Variants in CCNH observed in about 807,000 individuals in gnomAD.
CCNH encodes cyclin-H.
Under a neutral mutation model 41.9 loss-of-function variants are expected in CCNH, and 31 were observed. The ratio of observed to expected loss-of-function variants is 0.74; its 90% confidence interval spans 0.56 to 1.00. The LOEUF (loss-of-function observed/expected upper bound fraction) is 1.00, where lower values mean the gene tolerates loss of function less well. CCNH is among the 50% of genes least tolerant of loss of function. The probability of loss-of-function intolerance (pLI) is 0.00; values close to 1 mark genes in which losing one functional copy is unlikely to be tolerated. For missense variants in CCNH, 362 were observed against 388.4 expected (o/e 0.93, Z 0.57); for synonymous variants, 138 against 136.1 (o/e 1.01, Z -0.10).
intron 9 of CCNH, among the ~76,000 whole-genome samples, chr5:87,356,566 T>C (rs1335538197): frequency 1.3e-5 from 2 of 152,084 alleles, no homozygotes; most frequent in Non-Finnish European, 2.9e-5. Context: ...ATATTTTTTG[T>C]AGAGATAGAG....
chr5:87,324,970 C>T (rs1032022546), intron 9 of CCNH, among the ~76,000 whole-genome samples: 2 of 151,466 alleles, frequency 1.3e-5, no homozygotes, highest in Non-Finnish European at 2.9e-5. Flanking sequence ...TTTTTTTAAC[C>T]TTTAGCAGAC....
At chr5:87,355,340 A>C (rs533613411) in intron 9 of CCNH, among the ~76,000 whole-genome samples, 1 of 152,290 alleles carries the variant, frequency 6.6e-6, no homozygotes, top group African/African-American at 2.4e-5. Context: ...ATCGTTGACT[A>C]TTCTGAAAAT....
upstream of CCNH, chr5:87,378,621 GA>G (rs1761486329): frequency 7.4e-7 from 1 of 1,360,272 alleles, no homozygotes; most frequent in South Asian, 1.3e-5. Flanking sequence ...ACATTTTAAG[GA>G]AAATATATTA....
chr5:87,340,059 T>C (rs1758325305), intron 9 of CCNH, among the ~76,000 whole-genome samples: 1 of 152,182 alleles, frequency 6.6e-6, no homozygotes, highest in South Asian at 2.1e-4. Context: ...TTCACTGATG[T>C]ATTACCATTG....
intron 7 of CCNH, among the ~76,000 whole-genome samples, chr5:87,396,497 C>T (rs1461446052): frequency 6.6e-6 from 1 of 152,080 alleles, no homozygotes; most frequent in African/African-American, 2.4e-5. Context: ...TGTTGGCATG[C>T]ACCTGTCGTC....
At chr5:87,376,681 CAG>C (rs1761349024) in exon 1 of CCNH, 2 of 1,346,128 alleles carry the variant, frequency 1.5e-6, no homozygotes, top group African/African-American at 1.5e-5. Context: ...ACAATGATGC[CAG>C]AGATTTTAAA....
intron 9 of CCNH, among the ~76,000 whole-genome samples, chr5:87,367,947 G>A (rs1249121399): frequency 1.3e-5 from 2 of 151,506 alleles, no homozygotes; most frequent in East Asian, 1.9e-4. Context: ...TTTTTAGTGG[G>A]AAAACTAAAA....
rs199894378 is a variant in CCNH, at chr5:87,362,627, C to G, written c.*90+30143G>C. 1.0e-4 allele frequency: 161 copies of G among 1,599,488 alleles called. No individual in the cohort carries two copies. Among genetic ancestry groups the G allele is most frequent in the Non-Finnish European group, 1.3e-4 (153 of 1,167,218 alleles). Reference sequence around the variant, plus strand: ...ACCATCCGTCGTAAAACAAAGGATGCCTTTTATAAAAACATTGTTAAGAAA... The same window carrying G: ...ACCATCCGTCGTAAAACAAAGGATGGCTTTTATAAAAACATTGTTAAGAAA... On this transcript the variant is annotated intron_variant and NMD_transcript_variant, in intron 9 of 9. Transcript: ENST00000645953.
At chr5:87,407,087 G>A (rs1331431830) in intron 4 of CCNH, among the ~76,000 whole-genome samples, 1 of 152,070 alleles carries the variant, frequency 6.6e-6, no homozygotes, top group Admixed American at 6.6e-5. Context: ...AGCACGGAAT[G>A]GTTTCTTGAA....
At chr5:87,362,817 C>T in intron 9 of CCNH, 1 of 897,426 alleles carries the variant, frequency 1.1e-6, no homozygotes, top group Non-Finnish European at 1.7e-6. Flanking sequence ...AAGCATTCTT[C>T]AAAATTTAGA....
At chr5:87,385,063 T>C (rs1053755527) in intron 9 of CCNH, among the ~76,000 whole-genome samples, 2 of 152,096 alleles carry the variant, frequency 1.3e-5, no homozygotes, top group Admixed American at 1.3e-4. Context: ...AGTACCCTTT[T>C]CGCAAGCCTA....
At chr5:87,356,481 C>T (rs1759659295) in intron 9 of CCNH, among the ~76,000 whole-genome samples, 1 of 151,870 alleles carries the variant, frequency 6.6e-6, no homozygotes, top group Admixed American at 6.6e-5. Context: ...CCTTGAGCTC[C>T]TGGGCTCAAG....
downstream of CCNH, chr5:87,393,449 T>TG (rs1370479574): frequency 6.6e-6 from 1 of 152,224 alleles, no homozygotes; most frequent in Non-Finnish European, 1.5e-5. Flanking sequence ...ATTTTCAGTG[T>TG]GGGAAACTGG....
At chr5:87,379,106 A>C (rs1761529842), upstream of CCNH, among the ~76,000 whole-genome samples, 1 of 152,206 alleles carries the variant, frequency 6.6e-6, no homozygotes, top group Non-Finnish European at 1.5e-5. Context: ...TATAAAAATC[A>C]GTTTAAGGAA....
At chr5:87,410,525 C>A (rs115633400) in intron 2 of CCNH, among the ~76,000 whole-genome samples, 1 of 152,070 alleles carries the variant, frequency 6.6e-6, no homozygotes, top group African/African-American at 2.4e-5. Context: ...AAGCTAGTCA[C>A]GCTGTATAAC....
chr5:87,378,521 A>T (rs151119180), upstream of CCNH: 54 of 1,610,902 alleles, frequency 3.4e-5, no homozygotes, highest in African/African-American at 5.9e-4. Flanking sequence ...GATAATGGAA[A>T]GCAAGCAGTC....
chr5:87,332,803 T>C (rs1757693060), intron 9 of CCNH, among the ~76,000 whole-genome samples: 1 of 151,898 alleles, frequency 6.6e-6, no homozygotes, highest in Non-Finnish European at 1.5e-5. Context: ...GACAACTTCT[T>C]TGAAAAAAAA....
chr5:87,386,578 T>C (rs1386721380), downstream of CCNH, among the ~76,000 whole-genome samples: 3 of 152,094 alleles, frequency 2.0e-5, no homozygotes, highest in Non-Finnish European at 4.4e-5. Context: ...CTCCTCAGTA[T>C]AGCCATTTGC....
In CCNH at chr5:87,323,084, A is replaced by G. The variant is rs1377824571; in HGVS notation, c.*91-4187T>C. On this transcript the variant is annotated intron_variant and NMD_transcript_variant, in intron 9 of 9. Transcript: ENST00000645953. ...TTTGGGGATTGCTCTCATAGAGGTTATAATTTGAGCTGATGGATAACTGAT... is the reference window on the plus strand; with the variant it reads ...TTTGGGGATTGCTCTCATAGAGGTTGTAATTTGAGCTGATGGATAACTGAT... Among the ~76,000 whole-genome samples, 13 of 152,334 alleles carry G rather than the reference A, an allele frequency of 8.5e-5. No homozygotes were observed. The East Asian group carries it at 2.5e-3, about 29-fold the overall frequency.
Sources: allele counts gnomAD v4.1 joint callset (sites outside exome capture counted in the v4.1 genomes callset), GRCh38; gene constraint gnomAD v4.1.1; transcripts MANE v1.5; gene names NCBI Gene and HGNC (gene_info 2026-07-23, HGNC 2026-07-21).